C3orf70: variants seen among roughly 807,000 people sequenced by gnomAD.
The protein encoded by C3orf70 is chromosome 3 open reading frame 70.
A neutral mutation model predicts 20.7 loss-of-function variants in C3orf70; 15 were observed. The observed-to-expected ratio is 0.72, with a 90% CI of 0.48 to 1.11. C3orf70 has a LOEUF of 1.11. Ranked by LOEUF, C3orf70 falls within the 50% of genes most tolerant of loss-of-function variation. The probability of loss-of-function intolerance (pLI) is 0.00; values close to 1 mark genes in which losing one functional copy is unlikely to be tolerated. For synonymous variants in C3orf70, 161 were observed against 125.7 expected, an observed-to-expected ratio of 1.28 and a Z score of -1.88; for missense variants, 332 against 317.6, an observed-to-expected ratio of 1.05 and a Z score of -0.34.
In C3orf70 at chr3:185,079,252, G is replaced by C. The variant is rs1477868579; in HGVS notation, c.*3755C>G. 1 of 134,620 alleles carries C rather than the reference G, an allele frequency of 7.4e-6. No homozygotes were observed. Among genetic ancestry groups the C allele is most frequent in the Admixed American group, 7.8e-5 (1 of 12,850 alleles). The allele number at this position is 134,620 out of a possible 1,614,324, so 8.3% of individuals were successfully genotyped here. On this transcript the variant is annotated 3_prime_UTR_variant, in exon 2 of 2. Transcript: ENST00000335012. ...GCCGAGATCGCGCCACTGCACTCCA[G>C]CCTGGGTGAAGGAGCGAGACTCTGT...
At chr3:185,112,969 TGA>T (rs1226448303) in intron 1 of C3orf70, among the ~76,000 whole-genome samples, 2 of 152,164 alleles carry the variant, frequency 1.3e-5, no homozygotes, top group Non-Finnish European at 2.9e-5. Flanking sequence ...ATTTCAAACT[TGA>T]GTCACTGAAC....
At position 185,119,939 on chromosome 3, in the gene C3orf70, T is replaced by A. The variant is rs115948574; in HGVS notation, c.196+32689A>T. ...CTCGAGGTTGAGGCAGGAGGATCGC[T>A]TGAATGTGGGAGGTAGAGGTTGCAG... On this transcript the variant is annotated intron_variant, in intron 1 of 1. Transcript: ENST00000335012. 7.1e-3 allele frequency among the ~76,000 whole-genome samples: 1,047 copies of A among 148,334 alleles called. 5 individuals are homozygous for A. The highest frequency in any genetic ancestry group is 0.011 in the Non-Finnish European group (747 of 67,618).
At chr3:185,135,219 A>C (rs1368547433) in intron 1 of C3orf70, among the ~76,000 whole-genome samples, 1 of 151,676 alleles carries the variant, frequency 6.6e-6, no homozygotes, top group African/African-American at 2.4e-5. Flanking sequence ...ATAAATTTAA[A>C]GCAACCATGA....
chr3:185,083,184 G>T lies in C3orf70; in HGVS notation c.576C>A (p.Ile192=). The T allele has an allele frequency of 3.1e-6, 5 of 1,614,148 alleles. No homozygotes were observed. In the South Asian group the frequency reaches 5.5e-5, roughly 18 times the overall value. Residue 192 remains isoleucine, a synonymous_variant, in exon 2 of 2, where the codon ATC becomes ATA. Coordinates refer to ENST00000335012, the MANE Select transcript of C3orf70 (RefSeq NM_001025266.3). ...SSPSSSEDSG[I]NAIGAHYVES... ...CCACATAGTGAGCCCCAATCGCATT[G>T]ATCCCAGAGTCCTCAGAACTTGAGG...
At chr3:185,094,671 A>G (rs1715665308) in intron 1 of C3orf70, among the ~76,000 whole-genome samples, 1 of 151,882 alleles carries the variant, frequency 6.6e-6, no homozygotes, top group South Asian at 2.1e-4. Flanking sequence ...AAAAAAAAAA[A>G]AATCTCCTAG....
chr3:185,115,815 A>G (rs1488358473), intron 1 of C3orf70, among the ~76,000 whole-genome samples: 2 of 152,166 alleles, frequency 1.3e-5, no homozygotes, highest in Non-Finnish European at 1.5e-5. Flanking sequence ...TTGACTTCTC[A>G]TTGTGACCTC....
intron 1 of C3orf70, 37 bp from the exon 2 acceptor site, chr3:185,083,600 A>G (rs373738701): frequency 9.3e-6 from 14 of 1,505,024 alleles, no homozygotes; most frequent in African/African-American, 1.4e-5. Context: ...AATCTATATT[A>G]CACAAACTAT....
chr3:185,101,580 C>T lies in C3orf70; in HGVS notation c.197-18017G>A, dbSNP rs186157468. ...CTGCTTCTGGGGAGGTCTCAGGAAA[C>T]TTACAATCATGGTGGAAGGTGAATG... On this transcript the variant is annotated intron_variant, in intron 1 of 1. Coordinates refer to ENST00000335012, the MANE Select transcript of C3orf70 (RefSeq NM_001025266.3). Among the ~76,000 whole-genome samples, 4 of 152,278 alleles carry T rather than the reference C, an allele frequency of 2.6e-5. No individual in the cohort carries two copies. In the East Asian group the frequency reaches 7.7e-4, roughly 29 times the overall value.
intron 1 of C3orf70, among the ~76,000 whole-genome samples, chr3:185,133,126 T>C (rs931041279): frequency 6.6e-6 from 1 of 152,214 alleles, no homozygotes; most frequent in African/African-American, 2.4e-5. Context: ...TGAGATACCA[T>C]TTCTCACTTA....
rs1364575530 is a variant in C3orf70, at chr3:185,082,662, C to T, written c.*345G>A. 2 of 237,928 alleles carry T rather than the reference C, an allele frequency of 8.4e-6. No homozygotes were observed. Among genetic ancestry groups the T allele is most frequent in the East Asian group, 1.0e-4 (1 of 9,766 alleles). The allele number at this position is 237,928 out of a possible 1,614,324, so 14.7% of individuals were successfully genotyped here. On this transcript the variant is annotated 3_prime_UTR_variant, in exon 2 of 2. Coordinates refer to ENST00000335012, the MANE Select transcript of C3orf70 (RefSeq NM_001025266.3). Reference sequence around the variant, plus strand: ...GGACTGGCTACCGAGAAAACACCGGCTCCTTCCCTTTCGGTACCTCCTCAA... The same window carrying T: ...GGACTGGCTACCGAGAAAACACCGGTTCCTTCCCTTTCGGTACCTCCTCAA...
chr3:185,116,967 G>A (rs150691113), intron 1 of C3orf70, among the ~76,000 whole-genome samples: 1 of 152,030 alleles, frequency 6.6e-6, no homozygotes, highest in Non-Finnish European at 1.5e-5. Context: ...TTTTTAAGTA[G>A]AGATGGGGTT....
intron 1 of C3orf70, among the ~76,000 whole-genome samples, chr3:185,122,190 G>C (rs80332844): frequency 6.6e-6 from 1 of 151,302 alleles, no homozygotes; most frequent in Non-Finnish European, 1.5e-5. Context: ...AAATATCAAA[G>C]TAGATGATTC....
intron 1 of C3orf70, among the ~76,000 whole-genome samples, chr3:185,117,450 C>CACAG (rs1357465955): frequency 4.5e-5 from 3 of 67,398 alleles, no homozygotes; most frequent in African/African-American, 2.0e-4. Flanking sequence ...CACACACACA[C>CACAG]AGAAAGAGAG....
intron 1 of C3orf70, among the ~76,000 whole-genome samples, chr3:185,095,488 C>T (rs1697189713): frequency 6.6e-6 from 1 of 152,152 alleles, no homozygotes; most frequent in Non-Finnish European, 1.5e-5. Flanking sequence ...ACATCTGTCA[C>T]ATTTATTTAT....
Position 185,152,724 on chromosome 3 carries a change from C to A in C3orf70, c.100G>T (p.Asp34Tyr), listed in dbSNP as rs1423345135. The change falls in exon 1 of 2, where the codon GAC (aspartate) becomes TAC (tyrosine). Residue 34 changes from aspartate (D) to tyrosine (Y), a missense_variant. Asp to Tyr is a radical substitution (Grantham distance 160, BLOSUM62 -3). Coordinates refer to ENST00000335012, the MANE Select transcript of C3orf70 (RefSeq NM_001025266.3). ...GACAGCCCGTCGCACGGCTGGAAGT[C>A]GGGTCTGCGGGCGGCGCAACTCCGC... is the stretch of plus-strand genomic sequence containing the variant. Reference protein sequence around the residue: ...LARSCAARRPDFQPCDGLSIC... With the variant: ...LARSCAARRPYFQPCDGLSIC... 1 of 1,593,200 alleles carries A rather than the reference C, an allele frequency of 6.3e-7. No individual in the cohort carries two copies. Among genetic ancestry groups the A allele is most frequent in the South Asian group, 1.1e-5 (1 of 88,684 alleles).
chr3:185,107,536 G>C (rs552645074), intron 1 of C3orf70, among the ~76,000 whole-genome samples: 111 of 152,288 alleles, frequency 7.3e-4, no homozygotes, highest in African/African-American at 2.6e-3. Flanking sequence ...CCATTGTTAA[G>C]CCTCCAGAAC....
At chr3:185,088,064 A>G (rs1715494703) in intron 1 of C3orf70, among the ~76,000 whole-genome samples, 1 of 152,062 alleles carries the variant, frequency 6.6e-6, no homozygotes, top group Non-Finnish European at 1.5e-5. Context: ...GGCATGCGCC[A>G]CCATGCCCAG....
chr3:185,151,821 C>T (rs913042843), intron 1 of C3orf70, among the ~76,000 whole-genome samples: 2 of 152,156 alleles, frequency 1.3e-5, no homozygotes, highest in African/African-American at 4.8e-5. Context: ...AGTCCAAATA[C>T]TATTAGCTAA....
At chr3:185,138,742 G>C (rs1436908390) in intron 1 of C3orf70, among the ~76,000 whole-genome samples, 1 of 152,000 alleles carries the variant, frequency 6.6e-6, no homozygotes, top group African/African-American at 2.4e-5. Flanking sequence ...AGGAATAGAG[G>C]AGGAACTTCC....
Sources: allele counts gnomAD v4.1 joint callset (sites outside exome capture counted in the v4.1 genomes callset), GRCh38; gene constraint gnomAD v4.1.1; transcripts MANE v1.5; gene names NCBI Gene and HGNC (gene_info 2026-07-23, HGNC 2026-07-21).